Variants in SLC5A12 observed in about 807,000 individuals in gnomAD.
SLC5A12 encodes the protein sodium-coupled monocarboxylate transporter 2.
A neutral mutation model predicts 72.7 loss-of-function variants in SLC5A12; 46 were observed. The ratio of observed to expected loss-of-function variants is 0.63; its 90% CI spans 0.50 to 0.81. SLC5A12 has a LOEUF of 0.81. Among genes scored for constraint, SLC5A12 ranks in the 30% least tolerant of loss-of-function variants. The pLI is 0.00. For missense variants in SLC5A12, 683 were observed against 740.7 expected, an observed-to-expected ratio of 0.92 and a Z score of 0.90; for synonymous variants, 275 against 264.4, an observed-to-expected ratio of 1.04 and a Z score of -0.39.
chr11:26,714,395 A>G (rs1391056608), intron 1 of SLC5A12, among the ~76,000 whole-genome samples: 1 of 152,178 alleles, frequency 6.6e-6, no homozygotes, highest in African/African-American at 2.4e-5. Flanking sequence ...ACAAATATTT[A>G]TACTAATGGA....
chr11:26,703,425 TACACACACAC>T, intron 6 of SLC5A12, 96 bp downstream of exon 6: 1 of 882,104 alleles, frequency 1.1e-6, no homozygotes, highest in Non-Finnish European at 1.7e-6. Flanking sequence ...CACACATACA[TACACACACAC>T]ACACACACAC....
In SLC5A12 at chr11:26,715,482, C is replaced by A. The variant is rs192438367; in HGVS notation, c.340-2776G>T. Among the ~76,000 whole-genome samples the A allele has an allele frequency of 1.8e-4, 27 of 152,202 alleles. 1 individual carries two copies. The highest frequency in any genetic ancestry group is 1.8e-3 in the Admixed American group (27 of 15,292). On this transcript the variant is annotated intron_variant, in intron 1 of 14. Transcript: ENST00000396005. ...TTAGAGATCCCCAGTTGGATTGAAC[C>A]CCAGTTGTTCACAGTGGTAACCTGC...
chr11:26,708,561 A>G (rs1855145180), intron 4 of SLC5A12, among the ~76,000 whole-genome samples: 1 of 152,000 alleles, frequency 6.6e-6, no homozygotes, highest in African/African-American at 2.4e-5. Flanking sequence ...TTAATTTTTT[A>G]TTTTTATCTA....
chr11:26,699,943 T>C lies in SLC5A12; in HGVS notation c.822-1408A>G, dbSNP rs558914212. 6.0e-4 allele frequency among the ~76,000 whole-genome samples: 92 copies of C among 152,340 alleles called. 1 individual carries two copies. The highest frequency in any genetic ancestry group is 1.1e-3 in the Non-Finnish European group (72 of 68,026). ...ATGAAATGATTGAAGAAATTAATGG[T>C]AGAAATTCTTTACTACATAACTGCA... is the stretch of plus-strand genomic sequence containing the variant. On this transcript the variant is annotated intron_variant, in intron 6 of 14. Coordinates refer to ENST00000396005, the MANE Select transcript of SLC5A12 (RefSeq NM_178498.4).
intron 14 of SLC5A12, among the ~76,000 whole-genome samples, chr11:26,671,756 G>C (rs1295626127): frequency 1.3e-5 from 2 of 152,036 alleles, no homozygotes; most frequent in Non-Finnish European, 2.9e-5. Flanking sequence ...AACAGAAGCT[G>C]GCTGCCTGCA....
Position 26,697,347 on chromosome 11 carries a change from T to C in SLC5A12, c.952-95A>G, listed in dbSNP as rs147769571. ...GAAAAAAATAGGATTAGTGGTCTTC[T>C]CATCAGTGTTTGAAATGTGGGAACA... is the stretch of plus-strand genomic sequence containing the variant. On this transcript the variant is annotated intron_variant, in intron 7 of 14. Coordinates refer to ENST00000396005, the MANE Select transcript of SLC5A12 (RefSeq NM_178498.4). The C allele has an allele frequency of 2.5e-5, 27 of 1,072,164 alleles. No individual in the cohort carries two copies. The African/African-American group carries it at 4.2e-4, about 17-fold the overall frequency. The allele number at this position is 1,072,164 out of a possible 1,614,324, so 66.4% of individuals were successfully genotyped here.
intron 14 of SLC5A12, among the ~76,000 whole-genome samples, chr11:26,672,103 G>T (rs1296229638): frequency 6.6e-6 from 1 of 152,092 alleles, no homozygotes; most frequent in Non-Finnish European, 1.5e-5. Context: ...TGAATTGAAA[G>T]ATCTACCTTA....
chr11:26,705,367 T>G (rs1009159865), intron 4 of SLC5A12, among the ~76,000 whole-genome samples: 4 of 151,944 alleles, frequency 2.6e-5, no homozygotes, highest in Non-Finnish European at 4.4e-5. Flanking sequence ...GCTTGGGAAA[T>G]GAATGAGCCC....
intron 4 of SLC5A12, among the ~76,000 whole-genome samples, chr11:26,708,532 T>G (rs1293400721): frequency 1.3e-5 from 2 of 152,086 alleles, no homozygotes; most frequent in African/African-American, 4.8e-5. Flanking sequence ...ACATGAATCA[T>G]CTGCTATATG....
intron 10 of SLC5A12, among the ~76,000 whole-genome samples, chr11:26,684,098 A>C (rs1461112696): frequency 2.6e-5 from 4 of 151,988 alleles, no homozygotes; most frequent in Non-Finnish European, 4.4e-5. Context: ...TTTGAAGTTC[A>C]AGTTGAAACT....
chr11:26,707,223 C>T (rs1009617101), intron 4 of SLC5A12, among the ~76,000 whole-genome samples: 2 of 151,964 alleles, frequency 1.3e-5, no homozygotes, highest in African/African-American at 2.4e-5. Context: ...TTTCTCCTTC[C>T]TCTGGCTCTT....
chr11:26,718,218 A>G (rs1295116104), intron 1 of SLC5A12, among the ~76,000 whole-genome samples: 2 of 152,204 alleles, frequency 1.3e-5, no homozygotes, highest in Admixed American at 6.5e-5. Context: ...CAATGATCAT[A>G]ATAATGCAAC....
rs781096594 is a variant in SLC5A12, at chr11:26,678,798, G to C, written c.1493C>G (p.Thr498Ser). 2 of 1,612,738 alleles carry C rather than the reference G, an allele frequency of 1.2e-6. No individual in the cohort carries two copies. Among genetic ancestry groups the C allele is most frequent in the South Asian group, 1.1e-5 (1 of 91,028 alleles). Residue 498 changes from threonine (T) to serine (S), a missense_variant, in exon 13 of 15, where the codon ACC (threonine) becomes AGC (serine). Transcript: ENST00000396005. ...GTAAAGGTAGGAGATCGAGTACCAG[G>C]TATCAGCTATTCCAGGTCTGTGGAG... ...VLSSRPGIAD[T>S]WYSISYLYYS...
chr11:26,701,648 T>TA (rs761430442), intron 6 of SLC5A12, among the ~76,000 whole-genome samples: 3 of 152,196 alleles, frequency 2.0e-5, no homozygotes, highest in Non-Finnish European at 4.4e-5. Context: ...ATAATTTTAT[T>TA]ACTTGGCCTT....
intron 9 of SLC5A12, among the ~76,000 whole-genome samples, chr11:26,691,078 T>A (rs1854659334): frequency 6.6e-6 from 1 of 152,204 alleles, no homozygotes; most frequent in South Asian, 2.1e-4. Context: ...TTCCTCTTTA[T>A]ATAAAGAGAT....
At chr11:26,684,533 G>C (rs749885858) in intron 10 of SLC5A12, among the ~76,000 whole-genome samples, 5 of 152,064 alleles carry the variant, frequency 3.3e-5, no homozygotes, top group Non-Finnish European at 5.9e-5. Context: ...GCCTCTCCTA[G>C]GAAAGGAGAG....
chr11:26,710,352 A>G (rs1049693873), intron 3 of SLC5A12, among the ~76,000 whole-genome samples: 4 of 152,304 alleles, frequency 2.6e-5, no homozygotes, highest in Non-Finnish European at 5.9e-5. Flanking sequence ...TTATAACAGA[A>G]TGATTATAAT....
intron 4 of SLC5A12, among the ~76,000 whole-genome samples, chr11:26,705,940 A>G (rs1164393992): frequency 9.7e-6 from 1 of 103,294 alleles, no homozygotes; most frequent in Non-Finnish European, 1.8e-5. Context: ...ACACACACAC[A>G]CACACACACA....
chr11:26,672,406 C>T (rs181145776), intron 14 of SLC5A12, among the ~76,000 whole-genome samples: 1 of 152,220 alleles, frequency 6.6e-6, no homozygotes. Context: ...AAAAAATACT[C>T]CTGCCCTTAA....
Sources: gnomAD v4.1 joint callset for allele counts (sites outside exome capture counted in the v4.1 genomes callset) on GRCh38, gnomAD v4.1.1 for gene constraint, MANE v1.5 for transcripts, NCBI Gene and HGNC (gene_info 2026-07-23, HGNC 2026-07-21) for gene names.